The following PLD1 variants were observed in gnomAD, a reference collection of about 807,000 sequenced individuals.
PLD1 encodes choline phosphatase 1.
PLD1 carries 112 observed loss-of-function variants against 137.1 expected under a neutral mutation model. The ratio of observed to expected loss-of-function variants is 0.82; its 90% CI spans 0.70 to 0.96. The LOEUF is 0.96. PLD1 is among the 40% of genes least tolerant of loss of function. The pLI is 0.00. For missense variants in PLD1, 1,321 were observed against 1,342.0 expected (o/e 0.98, Z 0.24); for synonymous variants, 431 against 454.7 (o/e 0.95, Z 0.66).
chr3:171,725,251 A>G (rs2108240723), intron 7 of PLD1, among the ~76,000 whole-genome samples: 1 of 152,302 alleles, frequency 6.6e-6, no homozygotes, highest in South Asian at 2.1e-4. Context: ...CACTGTGACA[A>G]ACTAAAAAAG....
intron 1 of PLD1, among the ~76,000 whole-genome samples, chr3:171,742,313 A>G (rs909674643): frequency 3.3e-5 from 5 of 151,906 alleles, no homozygotes; most frequent in Non-Finnish European, 7.4e-5. Flanking sequence ...GCCGCCTTGA[A>G]CTCCTGAGCT....
chr3:171,629,196 C>G (rs1295353081), intron 23 of PLD1, among the ~76,000 whole-genome samples: 1 of 151,958 alleles, frequency 6.6e-6, no homozygotes, highest in Admixed American at 6.6e-5. Flanking sequence ...ACAAAAATCA[C>G]AAGCATTCTT....
At chr3:171,764,648 A>C (rs1251113971) in intron 1 of PLD1, among the ~76,000 whole-genome samples, 1 of 151,832 alleles carries the variant, frequency 6.6e-6, no homozygotes, top group African/African-American at 2.4e-5. Flanking sequence ...GACAGAGTTC[A>C]TTTGGTCTTA....
chr3:171,753,154 AG>A (rs1720779221), intron 1 of PLD1, among the ~76,000 whole-genome samples: 1 of 152,242 alleles, frequency 6.6e-6, no homozygotes, highest in Non-Finnish European at 1.5e-5. Flanking sequence ...AGCTGCAGCC[AG>A]ACTCTGCTCA....
intron 3 of PLD1, among the ~76,000 whole-genome samples, chr3:171,737,326 G>A (rs1393302982): frequency 6.6e-6 from 1 of 152,102 alleles, no homozygotes; most frequent in Non-Finnish European, 1.5e-5. Flanking sequence ...CTCAAATGAA[G>A]AAAGAGGAAT....
Position 171,601,044 on chromosome 3 carries a change from T to G in PLD1, c.*2034A>C, listed in dbSNP as rs529981537. 1.3e-5 allele frequency: 2 copies of G among 152,202 alleles called. No individual in the cohort carries two copies. Among genetic ancestry groups the G allele is most frequent in the Non-Finnish European group, 2.9e-5 (2 of 68,032 alleles). The allele number at this position is 152,202 out of a possible 1,614,324, so 9.4% of individuals were successfully genotyped here. ...GGTTCAAAACAGCTTAGAGGTATCT[T>G]GCCTGAATTCTGTTTACTGCATATC... On this transcript the variant is annotated 3_prime_UTR_variant, in exon 27 of 27. Transcript: ENST00000351298.
chr3:171,664,547 T>G (rs1368824366), intron 19 of PLD1, among the ~76,000 whole-genome samples: 1 of 151,984 alleles, frequency 6.6e-6, no homozygotes, highest in Non-Finnish European at 1.5e-5. Flanking sequence ...AACCTCTGTC[T>G]CCTGGGATCA....
chr3:171,613,933 C>G (rs1355257742), intron 24 of PLD1, among the ~76,000 whole-genome samples: 1 of 152,202 alleles, frequency 6.6e-6, no homozygotes, highest in Non-Finnish European at 1.5e-5. Context: ...TGCAACAACT[C>G]CACTGCTTCT....
intron 12 of PLD1, 39 bp from the exon 13 acceptor site, chr3:171,692,481 T>A (rs1357263495): frequency 1.1e-6 from 1 of 916,196 alleles, no homozygotes; most frequent in East Asian, 2.4e-5. Context: ...TGAGTATCTC[T>A]GGAGGGAAGT....
At chr3:171,759,638 A>G (rs913279377) in intron 1 of PLD1, among the ~76,000 whole-genome samples, 8 of 152,360 alleles carry the variant, frequency 5.3e-5, no homozygotes, top group Admixed American at 2.0e-4. Flanking sequence ...AGAGAATTCC[A>G]TTCCTGAAAA....
rs187422719 is a variant in PLD1 at position 171,754,521 on chromosome 3, G to A, written c.-31-16439C>T. On this transcript the variant is annotated intron_variant, in intron 1 of 26. Coordinates refer to ENST00000351298, the MANE Select transcript of PLD1 (RefSeq NM_002662.5). The stretch of plus-strand genomic sequence containing the variant: ...CTTTTTCCATCTCCTGTAAGTTACT[G>A]CCTTCATATTCAGATGTATACAATT... 7.9e-5 allele frequency among the ~76,000 whole-genome samples: 12 copies of A among 152,188 alleles called. No homozygotes were observed. In the East Asian group the frequency reaches 2.1e-3, roughly 27 times the overall value.
chr3:171,690,656 T>C (rs897520240), intron 13 of PLD1, among the ~76,000 whole-genome samples: 1 of 152,258 alleles, frequency 6.6e-6, no homozygotes. Context: ...TTTCTAGTTG[T>C]CCTTCTGTTA....
At chr3:171,609,986 A>C (rs1732525494) in intron 25 of PLD1, among the ~76,000 whole-genome samples, 1 of 152,240 alleles carries the variant, frequency 6.6e-6, no homozygotes, top group Non-Finnish European at 1.5e-5. Context: ...AAAATTATAC[A>C]TGGCTAATAA....
chr3:171,764,251 G>C (rs746172660), intron 1 of PLD1, among the ~76,000 whole-genome samples: 6 of 152,154 alleles, frequency 3.9e-5, no homozygotes, highest in Non-Finnish European at 7.3e-5. Context: ...TGAGGTTACA[G>C]GCATGAGCCA....
rs145513223 is a variant in PLD1, at chr3:171,707,955, T to C, written c.1145+800A>G. Among the ~76,000 whole-genome samples, 205 of 152,344 alleles carry C rather than the reference T, an allele frequency of 1.3e-3. 3 individuals carry two copies. Among genetic ancestry groups the C allele is most frequent in the African/African-American group, 4.7e-3 (196 of 41,578 alleles). On this transcript the variant is annotated intron_variant, in intron 11 of 26. Coordinates refer to ENST00000351298, the MANE Select transcript of PLD1 (RefSeq NM_002662.5). ...TAGAAGGGAATAAATTATGATGATA[T>C]ATTAACAGTTCCTATAAGGTACCTT...
At chr3:171,686,922 C>A in intron 15 of PLD1, 124 bp from the exon 16 acceptor site, 1 of 531,500 alleles carries the variant, frequency 1.9e-6, no homozygotes, top group Non-Finnish European at 3.3e-6. Context: ...TTCTGTGCAA[C>A]AGAAAATTGT....
chr3:171,620,672 G>T lies in PLD1; in HGVS notation c.2594-152C>A, dbSNP rs1733517740. The T allele has an allele frequency of 3.5e-5, 12 of 343,692 alleles. 1 individual carries two copies. In the South Asian group the frequency reaches 1.1e-3, roughly 33 times the overall value. 21.3% of individuals were successfully genotyped at this position (343,692 alleles called of 1,614,324 possible). On this transcript the variant is annotated intron_variant, in intron 23 of 26. Coordinates refer to ENST00000351298, the MANE Select transcript of PLD1 (RefSeq NM_002662.5). ...GTTTTCTATTTCAGAATTCATCCAGGATTTATTTTTGATATCTGAATTTCA... is the reference window on the plus strand; with the variant it reads ...GTTTTCTATTTCAGAATTCATCCAGTATTTATTTTTGATATCTGAATTTCA...
chr3:171,760,465 T>C (rs1721318967), intron 1 of PLD1, among the ~76,000 whole-genome samples: 1 of 152,230 alleles, frequency 6.6e-6, no homozygotes. Context: ...TTCTCAACAC[T>C]CTTATTCTGT....
At chr3:171,802,770 G>A (rs764177678) in intron 1 of PLD1, among the ~76,000 whole-genome samples, 34 of 152,298 alleles carry the variant, frequency 2.2e-4, no homozygotes, top group African/African-American at 4.3e-4. Context: ...AGGCCAATGG[G>A]GCAAAGAGTG....
Sources: allele counts gnomAD v4.1 joint callset (sites outside exome capture counted in the v4.1 genomes callset), GRCh38; gene constraint gnomAD v4.1.1; transcripts MANE v1.5; gene names NCBI Gene and HGNC (gene_info 2026-07-23, HGNC 2026-07-21).